Variants in EXT1 observed in about 807,000 individuals in gnomAD.
EXT1 encodes exostosin-1.
A neutral mutation model predicts 82.5 loss-of-function variants in EXT1; 20 were observed. The observed-to-expected ratio is 0.24, with a 90% CI of 0.17 to 0.35. The LOEUF (loss-of-function observed/expected upper bound fraction) is 0.35. Ranked by LOEUF, EXT1 falls within the 10% of genes least tolerant of loss-of-function variation. The pLI is 1.00. For synonymous variants in EXT1, 348 were observed against 350.8 expected, an observed-to-expected ratio of 0.99 and a Z score of 0.09; for missense variants, 757 against 936.5, an observed-to-expected ratio of 0.81 and a Z score of 2.50.
intron 1 of EXT1, among the ~76,000 whole-genome samples, 191 bp from the exon 2 acceptor site, chr8:117,837,392 T>C (rs1255021705): frequency 6.6e-6 from 1 of 152,200 alleles, no homozygotes; most frequent in Non-Finnish European, 1.5e-5. Context: ...TGAATCATCA[T>C]GTTGGACAAA....
At chr8:118,056,938 T>C (rs2129934569) in intron 1 of EXT1, among the ~76,000 whole-genome samples, 1 of 152,172 alleles carries the variant, frequency 6.6e-6, no homozygotes, top group South Asian at 2.1e-4. Context: ...CAACCAACTA[T>C]GCCATTACCA....
intron 1 of EXT1, among the ~76,000 whole-genome samples, chr8:117,852,282 C>T (rs1462281513): frequency 6.6e-6 from 1 of 152,178 alleles, no homozygotes; most frequent in Non-Finnish European, 1.5e-5. Flanking sequence ...TGAGCTCTGT[C>T]ATGAGGGACA....
intron 8 of EXT1, among the ~76,000 whole-genome samples, chr8:117,808,056 A>G (rs774038178): frequency 1.3e-5 from 2 of 152,220 alleles, no homozygotes; most frequent in Non-Finnish European, 2.9e-5. Flanking sequence ...AAGGAAATGC[A>G]GCTAAATGTC....
chr8:118,073,705 A>AGAAGAGG (rs1817149957), intron 1 of EXT1, among the ~76,000 whole-genome samples: 2 of 102,682 alleles, frequency 1.9e-5, no homozygotes, highest in African/African-American at 6.7e-5. Flanking sequence ...AAGAGAAGAG[A>AGAAGAGG]AGCCTCTTAA....
At chr8:117,926,313 C>T (rs1451312421) in intron 1 of EXT1, among the ~76,000 whole-genome samples, 1 of 152,160 alleles carries the variant, frequency 6.6e-6, no homozygotes, top group African/African-American at 2.4e-5. Context: ...TGGATCTAAG[C>T]TGACCATTGC....
chr8:117,933,491 C>T (rs1020926566), intron 1 of EXT1, among the ~76,000 whole-genome samples: 1 of 152,060 alleles, frequency 6.6e-6, no homozygotes, highest in South Asian at 2.1e-4. Flanking sequence ...AGGGATCCAC[C>T]GGCCTTGGCC....
At chr8:118,099,414 C>A (rs1401667308) in intron 1 of EXT1, among the ~76,000 whole-genome samples, 3 of 152,206 alleles carry the variant, frequency 2.0e-5, no homozygotes, top group African/African-American at 7.2e-5. Context: ...GCTGAGAAAC[C>A]AGATTACCTA....
chr8:117,967,088 G>T lies in EXT1; in HGVS notation c.963-129887C>A, dbSNP rs559765329. On this transcript the variant is annotated intron_variant, in intron 1 of 10. Transcript: ENST00000378204. ...GGCAATGATAATTAACACATCTTGGGAAATTCGGGCTACATCTGATTAAAT... is the reference window on the plus strand; with the variant it reads ...GGCAATGATAATTAACACATCTTGGTAAATTCGGGCTACATCTGATTAAAT... Among the ~76,000 whole-genome samples, 16 of 152,310 alleles carry T rather than the reference G, an allele frequency of 1.1e-4. 1 individual carries two copies. The East Asian group carries it at 3.1e-3, about 29-fold the overall frequency.
chr8:117,957,321 CAAACTATGCAACCAG>C (rs1374689281), intron 1 of EXT1, among the ~76,000 whole-genome samples: 1 of 152,220 alleles, frequency 6.6e-6, no homozygotes, highest in East Asian at 1.9e-4. Flanking sequence ...GACTAAGTTG[CAAACTATGCAACCAG>C]CGAAACAGTG....
intron 1 of EXT1, among the ~76,000 whole-genome samples, chr8:117,889,646 C>T (rs117532495): frequency 0.015 from 2,252 of 152,264 alleles, 16 homozygotes; most frequent in Non-Finnish European, 0.025. Context: ...TGGCTATACA[C>T]AGAAAAAGTG....
chr8:118,110,309 C>G lies in EXT1; in HGVS notation c.738G>C (p.Gly246=). The change falls in exon 1 of 11, where the codon GGG becomes GGC. Residue 246 remains glycine, a synonymous_variant. Coordinates refer to ENST00000378204, the MANE Select transcript of EXT1 (RefSeq NM_000127.3). ...LFSKDHPRTG[G]ERGFLKFNTI... ...TGTTGAACTTCAAAAACCCCCTCTC[C>G]CCTCCTGTCCTGGGATGATCCTTAG... is the stretch of plus-strand genomic sequence containing the variant. 1 of 1,614,122 alleles carries G rather than the reference C, an allele frequency of 6.2e-7. No homozygotes were observed. Among genetic ancestry groups the G allele is most frequent in the Non-Finnish European group, 8.5e-7 (1 of 1,180,012 alleles).
At chr8:117,839,662 T>G (rs541228088) in intron 1 of EXT1, among the ~76,000 whole-genome samples, 1 of 152,350 alleles carries the variant, frequency 6.6e-6, no homozygotes, top group South Asian at 2.1e-4. Context: ...ATGTTCTACC[T>G]GAAGGAAGAA....
At chr8:117,806,587 C>T (rs1402958113) in intron 9 of EXT1, among the ~76,000 whole-genome samples, 2 of 152,116 alleles carry the variant, frequency 1.3e-5, no homozygotes, top group African/African-American at 4.8e-5. Context: ...TATTCTGCCT[C>T]AGGGCATTTA....
chr8:117,831,758 G>T (rs17430217), intron 3 of EXT1: 4 of 449,982 alleles, frequency 8.9e-6, no homozygotes, highest in African/African-American at 4.0e-5. Context: ...GAAGGAAGTG[G>T]TAGCACATTT....
chr8:117,935,084 C>T lies in EXT1; in HGVS notation c.963-97883G>A, dbSNP rs984771097. ...AAACTCTCTTGGCCTCAATGTCCTC[C>T]TTATCTCTAAAATGAGGACATATAC... On this transcript the variant is annotated intron_variant, in intron 1 of 10. Transcript: ENST00000378204. 5.9e-5 allele frequency among the ~76,000 whole-genome samples: 9 copies of T among 152,118 alleles called. No homozygotes were observed. In the South Asian group the frequency reaches 1.9e-3, roughly 32 times the overall value.
chr8:117,892,417 T>TTGCTGCTGC (rs925705401), intron 1 of EXT1, among the ~76,000 whole-genome samples: 1 of 151,970 alleles, frequency 6.6e-6, no homozygotes, highest in African/African-American at 2.4e-5. Flanking sequence ...ACTTCTACTA[T>TTGCTGCTGC]TGCTGCTGCT....
intron 1 of EXT1, among the ~76,000 whole-genome samples, chr8:117,892,265 A>G (rs1813257867): frequency 1.3e-5 from 2 of 152,358 alleles, no homozygotes; most frequent in Middle Eastern, 3.4e-3. Context: ...GTGATGCTTA[A>G]GGACTTGTCA....
Position 117,900,452 on chromosome 8 carries a change from A to G in EXT1, c.963-63251T>C, listed in dbSNP as rs143125625. 3.2e-3 allele frequency among the ~76,000 whole-genome samples: 489 copies of G among 152,302 alleles called. 1 individual carries two copies. The highest frequency in any genetic ancestry group is 5.4e-3 in the Non-Finnish European group (370 of 68,006). On this transcript the variant is annotated intron_variant, in intron 1 of 10. Transcript: ENST00000378204. ...ATGCTTCCTGAGTTCATTCCAATTC[A>G]TGACTAAGAACGGTGGGATACAGCA...
At chr8:118,041,949 GAA>G (rs1195365553) in intron 1 of EXT1, among the ~76,000 whole-genome samples, 2 of 45,968 alleles carry the variant, frequency 4.4e-5, no homozygotes. Context: ...CTCTGCCTCA[GAA>G]AAAAAAAAAA....
Sources: allele counts gnomAD v4.1 joint callset (sites outside exome capture counted in the v4.1 genomes callset), GRCh38; gene constraint gnomAD v4.1.1; transcripts MANE v1.5; gene names NCBI Gene and HGNC (gene_info 2026-07-23, HGNC 2026-07-21).